Variants in SSBP3 observed in about 807,000 individuals in gnomAD.
The protein encoded by SSBP3 is single stranded DNA binding protein 3.
In SSBP3, 5 loss-of-function variants were observed where a neutral mutation model predicts 69.6. The ratio of observed to expected loss-of-function variants is 0.07; its 90% CI spans 0.04 to 0.15. The LOEUF (loss-of-function observed/expected upper bound fraction) is 0.15. SSBP3 is among the 10% of genes least tolerant of loss of function. The probability of loss-of-function intolerance (pLI) is 1.00; values close to 1 mark genes in which losing one functional copy is unlikely to be tolerated. For missense variants in SSBP3, 312 were observed against 534.0 expected, an observed-to-expected ratio of 0.58 and a Z score of 4.10; for synonymous variants, 196 against 193.4, an observed-to-expected ratio of 1.01 and a Z score of -0.11.
intron 4 of SSBP3, among the ~76,000 whole-genome samples, chr1:54,397,677 G>T (rs1648992272): frequency 6.6e-6 from 1 of 152,152 alleles, no homozygotes; most frequent in African/African-American, 2.4e-5. Flanking sequence ...ATTCATCAAG[G>T]TCATGGAACT....
At chr1:54,296,418 A>G (rs1645704474) in intron 4 of SSBP3, among the ~76,000 whole-genome samples, 1 of 152,182 alleles carries the variant, frequency 6.6e-6, no homozygotes, top group Non-Finnish European at 1.5e-5. Context: ...GTCTAACTCC[A>G]TTTAAGGCCA....
intron 5 of SSBP3, among the ~76,000 whole-genome samples, chr1:54,268,494 T>C (rs1645139983): frequency 6.6e-6 from 1 of 152,154 alleles, no homozygotes; most frequent in African/African-American, 2.4e-5. Context: ...TTATAAAAAG[T>C]AATGATTCGT....
At chr1:54,269,552 G>A (rs937293659) in intron 5 of SSBP3, among the ~76,000 whole-genome samples, 4 of 152,214 alleles carry the variant, frequency 2.6e-5, no homozygotes, top group African/African-American at 9.6e-5. Context: ...CTAGCGAATC[G>A]GAACTTAGCT....
intron 4 of SSBP3, among the ~76,000 whole-genome samples, chr1:54,344,623 G>A (rs150894403): frequency 2.0e-5 from 3 of 152,324 alleles, no homozygotes; most frequent in East Asian, 3.9e-4. Context: ...GCAAGGCCTT[G>A]TAAAGAGAGG....
chr1:54,235,447 G>GTTTTTTTTTT (rs1644472595), intron 14 of SSBP3, among the ~76,000 whole-genome samples: 1 of 112,732 alleles, frequency 8.9e-6, no homozygotes, highest in African/African-American at 3.8e-5. Context: ...ATGCCCGGCT[G>GTTTTTTTTTT]ATTTTTTTTT....
intron 4 of SSBP3, among the ~76,000 whole-genome samples, chr1:54,357,775 T>C (rs1221097639): frequency 6.6e-6 from 1 of 152,226 alleles, no homozygotes; most frequent in East Asian, 1.9e-4. Context: ...CTTTGCCAAG[T>C]AATAAGACAC....
At chr1:54,314,211 G>A (rs1259880890) in intron 4 of SSBP3, among the ~76,000 whole-genome samples, 1 of 152,226 alleles carries the variant, frequency 6.6e-6, no homozygotes, top group African/African-American at 2.4e-5. Flanking sequence ...TCCAAGGGGA[G>A]ACAGGATTAC....
intron 4 of SSBP3, among the ~76,000 whole-genome samples, chr1:54,377,359 T>C (rs115426853): frequency 2.4e-4 from 37 of 152,388 alleles, no homozygotes; most frequent in African/African-American, 8.9e-4. Flanking sequence ...AACCTCAGTG[T>C]GCTGAGTGCT....
intron 4 of SSBP3, among the ~76,000 whole-genome samples, chr1:54,368,201 G>A (rs1647058681): frequency 6.6e-6 from 1 of 151,094 alleles, no homozygotes; most frequent in African/African-American, 2.4e-5. Flanking sequence ...AGGAGGCTGA[G>A]GCAGAAAAAT....
chr1:54,238,836 C>T, intron 14 of SSBP3: 3 of 423,162 alleles, frequency 7.1e-6, no homozygotes, highest in Non-Finnish European at 1.4e-5. Context: ...CCACCTACAG[C>T]ATGGCGCTTC....
At position 54,230,426 on chromosome 1, in the gene SSBP3, A is replaced by G. The variant is rs547509125; in HGVS notation, c.928-1600T>C. On this transcript the variant is annotated intron_variant, in intron 14 of 17. Coordinates refer to ENST00000610401, the Ensembl canonical transcript of SSBP3. ...TGCACATGTATGTCATTACCTTAAC[A>G]TGAATATGTCGCTACTTTAACATCA... Among the ~76,000 whole-genome samples the G allele has an allele frequency of 2.2e-4, 33 of 152,364 alleles. 1 individual carries two copies. The South Asian group carries it at 6.8e-3, about 32-fold the overall frequency.
At chr1:54,273,014 TGA>T (rs1172285826) in intron 5 of SSBP3, among the ~76,000 whole-genome samples, 1 of 151,082 alleles carries the variant, frequency 6.6e-6, no homozygotes, top group Non-Finnish European at 1.5e-5. Flanking sequence ...AAGAGAGGAG[TGA>T]GAGTCCCATC....
At chr1:54,360,310 G>A (rs1646930632) in intron 4 of SSBP3, among the ~76,000 whole-genome samples, 1 of 152,154 alleles carries the variant, frequency 6.6e-6, no homozygotes, top group Non-Finnish European at 1.5e-5. Context: ...TGAGCTCCCC[G>A]AAGATCAGAA....
At chr1:54,300,337 G>T (rs569527904) in intron 4 of SSBP3, among the ~76,000 whole-genome samples, 1 of 152,274 alleles carries the variant, frequency 6.6e-6, no homozygotes, top group Non-Finnish European at 1.5e-5. Context: ...CAGCAGAAAC[G>T]AGATGCATGC....
chr1:54,411,192 C>T (rs1029439562), upstream of SSBP3, among the ~76,000 whole-genome samples: 4 of 152,088 alleles, frequency 2.6e-5, no homozygotes, highest in African/African-American at 7.2e-5. Context: ...AGAATTTAAG[C>T]ATTTGAGCTA....
intron 4 of SSBP3, among the ~76,000 whole-genome samples, chr1:54,384,013 G>A (rs532979896): frequency 1.3e-5 from 2 of 151,192 alleles, no homozygotes; most frequent in South Asian, 4.2e-4. Context: ...GGCTGAGGCA[G>A]GAGAATGGCA....
At chr1:54,304,057 T>C (rs914290784) in intron 4 of SSBP3, among the ~76,000 whole-genome samples, 4 of 152,064 alleles carry the variant, frequency 2.6e-5, no homozygotes, top group Non-Finnish European at 5.9e-5. Flanking sequence ...AAGGTGGCCC[T>C]TGTCAAGTTT....
intron 4 of SSBP3, among the ~76,000 whole-genome samples, chr1:54,385,657 T>C (rs2100744380): frequency 6.6e-6 from 1 of 152,364 alleles, no homozygotes; most frequent in East Asian, 1.9e-4. Flanking sequence ...TGCCCCAGAA[T>C]CACTCCCTAA....
At chr1:54,365,856 A>G (rs1266627966) in intron 4 of SSBP3, among the ~76,000 whole-genome samples, 2 of 152,200 alleles carry the variant, frequency 1.3e-5, no homozygotes, top group African/African-American at 2.4e-5. Flanking sequence ...CTCTAGAAGA[A>G]CTAGTTTGCC....
Sources: allele counts gnomAD v4.1 joint callset (sites outside exome capture counted in the v4.1 genomes callset), GRCh38; gene constraint gnomAD v4.1.1; transcripts MANE v1.5; gene names NCBI Gene and HGNC (gene_info 2026-07-23, HGNC 2026-07-21).